KCNIP1: variants seen among roughly 807,000 people sequenced by gnomAD.
The protein encoded by KCNIP1 is A-type potassium channel modulatory protein KCNIP1.
Under a neutral mutation model 33.0 loss-of-function variants are expected in KCNIP1, and 18 were observed. The ratio of observed to expected loss-of-function variants is 0.55; its 90% CI spans 0.38 to 0.81. KCNIP1 has a LOEUF of 0.81. Ranked by LOEUF, KCNIP1 falls within the 30% of genes least tolerant of loss-of-function variation. The pLI is 0.00. For missense variants in KCNIP1, 238 were observed against 271.6 expected, an observed-to-expected ratio of 0.88 and a Z score of 0.87; for synonymous variants, 93 against 98.3, an observed-to-expected ratio of 0.95 and a Z score of 0.32.
At position 170,661,989 on chromosome 5, in the gene KCNIP1, C is replaced by T. The variant is rs542598511; in HGVS notation, c.62-56769C>T. On this transcript the variant is annotated intron_variant, in intron 1 of 7. Transcript: ENST00000328939. ...CCTTGTCTCCAGGCCTGGCTGTAGA[C>T]ACAATGGAGGCTCCTCCTTGCCATC... 1.3e-4 allele frequency among the ~76,000 whole-genome samples: 20 copies of T among 152,268 alleles called. No individual in the cohort carries two copies. In the East Asian group the frequency reaches 3.9e-3, roughly 29 times the overall value.
At chr5:170,488,913 G>A (rs774545417) in intron 1 of KCNIP1, among the ~76,000 whole-genome samples, 2 of 152,190 alleles carry the variant, frequency 1.3e-5, no homozygotes, top group South Asian at 2.1e-4. Context: ...TAAGATTCCC[G>A]GTGACGGTGC....
chr5:170,643,795 C>A (rs1760675807), intron 1 of KCNIP1, among the ~76,000 whole-genome samples: 1 of 152,228 alleles, frequency 6.6e-6, no homozygotes, highest in South Asian at 2.1e-4. Context: ...GCTCTAATTG[C>A]AGCTGGCTGG....
At chr5:170,587,633 C>G (rs572044399) in intron 1 of KCNIP1, among the ~76,000 whole-genome samples, 1 of 152,222 alleles carries the variant, frequency 6.6e-6, no homozygotes, top group African/African-American at 2.4e-5. Context: ...CCTCCATGTC[C>G]TAAGCACATC....
At chr5:170,613,472 A>C (rs568711704) in intron 1 of KCNIP1, among the ~76,000 whole-genome samples, 2 of 152,330 alleles carry the variant, frequency 1.3e-5, no homozygotes, top group South Asian at 4.1e-4. Flanking sequence ...TACTTGAAAG[A>C]TTAAGCAACA....
At chr5:170,641,824 C>T (rs939008932) in intron 1 of KCNIP1, among the ~76,000 whole-genome samples, 1 of 152,198 alleles carries the variant, frequency 6.6e-6, no homozygotes, top group African/African-American at 2.4e-5. Flanking sequence ...GACCTACTGG[C>T]ATGGGATGGA....
intron 1 of KCNIP1, chr5:170,641,958 C>T (rs1760580915): frequency 6.6e-6 from 1 of 152,348 alleles, no homozygotes; most frequent in African/African-American, 2.4e-5. Flanking sequence ...CCATGTCACC[C>T]ACCCCCGGCT....
At chr5:170,718,565 T>C (rs1202054750) in intron 1 of KCNIP1, among the ~76,000 whole-genome samples, 193 bp from the exon 2 acceptor site, 3 of 152,164 alleles carry the variant, frequency 2.0e-5, no homozygotes, top group Admixed American at 2.0e-4. Context: ...GCCCCCTCCC[T>C]GTGTGGTGTT....
At chr5:170,565,210 C>T (rs906948824) in intron 1 of KCNIP1, among the ~76,000 whole-genome samples, 11 of 152,132 alleles carry the variant, frequency 7.2e-5, no homozygotes, top group Middle Eastern at 3.4e-3. Context: ...CAATTAGTGA[C>T]GTTCAGATCT....
chr5:170,367,230 G>T (rs901290494), intron 1 of KCNIP1, among the ~76,000 whole-genome samples: 1 of 151,492 alleles, frequency 6.6e-6, no homozygotes, highest in Middle Eastern at 3.2e-3. Context: ...CAGGAGAATC[G>T]CTTGAACCAG....
chr5:170,707,035 A>G (rs1194724175), intron 1 of KCNIP1, among the ~76,000 whole-genome samples: 1 of 152,066 alleles, frequency 6.6e-6, no homozygotes, highest in Admixed American at 6.5e-5. Context: ...CTCCACTGCC[A>G]CCTGAATTAG....
chr5:170,655,577 G>A (rs1267942706), intron 1 of KCNIP1, among the ~76,000 whole-genome samples: 1 of 152,198 alleles, frequency 6.6e-6, no homozygotes. Flanking sequence ...CTAGGCATTT[G>A]GAGTTTACTG....
chr5:170,454,985 A>T (rs1756339194), intron 1 of KCNIP1, among the ~76,000 whole-genome samples: 1 of 152,252 alleles, frequency 6.6e-6, no homozygotes, highest in Non-Finnish European at 1.5e-5. Flanking sequence ...GACATTTTAT[A>T]ATAATAAAAG....
chr5:170,482,845 G>A (rs911015325), intron 1 of KCNIP1, among the ~76,000 whole-genome samples: 1 of 152,176 alleles, frequency 6.6e-6, no homozygotes, highest in Non-Finnish European at 1.5e-5. Flanking sequence ...CAGCGCTGGT[G>A]ATGTTTAGAG....
intron 1 of KCNIP1, among the ~76,000 whole-genome samples, chr5:170,487,253 A>G (rs1757117362): frequency 6.6e-6 from 1 of 152,184 alleles, no homozygotes; most frequent in Non-Finnish European, 1.5e-5. Flanking sequence ...AGCTGACTCA[A>G]TGAAGTTTAC....
chr5:170,630,242 A>AT (rs1447263619), intron 1 of KCNIP1, among the ~76,000 whole-genome samples: 2 of 152,226 alleles, frequency 1.3e-5, no homozygotes, highest in African/African-American at 4.8e-5. Flanking sequence ...CTCAATCAAT[A>AT]TTTACTTAGT....
chr5:170,525,545 T>G lies in KCNIP1; in HGVS notation c.61+20912T>G, dbSNP rs545003211. Among the ~76,000 whole-genome samples, 5 of 152,368 alleles carry G rather than the reference T, an allele frequency of 3.3e-5. No individual in the cohort carries two copies. In the South Asian group the frequency reaches 8.3e-4, roughly 25 times the overall value. On this transcript the variant is annotated intron_variant, in intron 1 of 7. Transcript: ENST00000328939. ...TAGAATGCAGAGGAAGGAAGACCTC[T>G]GTGAGAACCCTACATACATCTTTGC...
At chr5:170,731,872 CAAAAAAAA>C (rs1157286321) in intron 5 of KCNIP1, among the ~76,000 whole-genome samples, 1 of 16,900 alleles carries the variant, frequency 5.9e-5, no homozygotes, top group Non-Finnish European at 1.2e-4. Context: ...GACTCCGTCT[CAAAAAAAA>C]AAAAAAAAAA....
intron 4 of KCNIP1, 97 bp from the exon 5 acceptor site, chr5:170,722,616 C>T (rs754645751): frequency 6.5e-5 from 54 of 828,374 alleles, no homozygotes; most frequent in South Asian, 2.3e-4. Context: ...GCAGGAGGCA[C>T]CATTCTGTGA....
chr5:170,353,899 G>A (rs1763276689), exon 1 of KCNIP1: 1 of 1,614,190 alleles, frequency 6.2e-7, no homozygotes, highest in South Asian at 1.1e-5. Flanking sequence ...TCCAAAAGAT[G>A]CAAGCTTGGG....
Sources: allele counts gnomAD v4.1 joint callset (sites outside exome capture counted in the v4.1 genomes callset), GRCh38; gene constraint gnomAD v4.1.1; transcripts MANE v1.5; gene names NCBI Gene and HGNC (gene_info 2026-07-23, HGNC 2026-07-21).